WDR25: variants seen among roughly 807,000 people sequenced by gnomAD.
WDR25 encodes the protein WD repeat domain 25.
A neutral mutation model predicts 47.7 loss-of-function variants in WDR25; 35 were observed. The ratio of observed to expected loss-of-function variants is 0.73; its 90% confidence interval spans 0.56 to 0.97. WDR25 has a LOEUF of 0.97. WDR25 is among the 50% of genes least tolerant of loss of function. WDR25 has a pLI of 0.00. For synonymous variants in WDR25, 248 were observed against 278.9 expected, an observed-to-expected ratio of 0.89 and a Z score of 1.10; for missense variants, 634 against 704.7, an observed-to-expected ratio of 0.90 and a Z score of 1.14.
Position 100,529,912 on chromosome 14 carries a change from C to T in WDR25, c.1506C>T (p.Phe502=). The change falls in exon 7 of 7, where the codon TTC becomes TTT. Residue 502 remains phenylalanine, a synonymous_variant. Coordinates refer to ENST00000402312, the MANE Select transcript of WDR25 (RefSeq NM_001161476.3). This position sits in a 1 kb window ranked among gnomAD's most constrained non-coding sequence, Gnocchi z 5.1. ...ATGGCCGGGTCCTGATGTACAGCTT[C>T]CGCACAGCCAGCCGAGCATGCACAC... ...SADGRVLMYS[F]RTASRACTLQ... is the part of the protein sequence containing the mutation. 2 of 1,613,444 alleles carry T rather than the reference C, an allele frequency of 1.2e-6. No homozygotes were observed. Among genetic ancestry groups the T allele is most frequent in the Non-Finnish European group, 1.7e-6 (2 of 1,180,032 alleles).
chr14:100,459,922 A>G lies in WDR25; in HGVS notation c.823-8099A>G, dbSNP rs1263249662. Among the ~76,000 whole-genome samples, 723 of 109,252 alleles carry G rather than the reference A, an allele frequency of 6.6e-3. 61 individuals are homozygous for G. The highest frequency in any genetic ancestry group is 0.026 in the African/African-American group (663 of 25,292). 71.7% of individuals were successfully genotyped at this position (109,252 alleles called of 152,430 possible). A position where few individuals can be genotyped will look rare whatever the true frequency, so the allele number is the denominator to read the frequency against. The stretch of plus-strand genomic sequence containing the variant: ...TATATATATATATATATATATATAT[A>G]TATATATATATATATATACACATAC... On this transcript the variant is annotated intron_variant, in intron 2 of 6. Transcript: ENST00000402312.
chr14:100,393,422 G>A (rs1897185889), intron 2 of WDR25, among the ~76,000 whole-genome samples: 1 of 152,204 alleles, frequency 6.6e-6, no homozygotes, highest in Non-Finnish European at 1.5e-5. Context: ...TCTCATTCAA[G>A]TGTGTTCTGA....
chr14:100,431,166 C>T (rs1898321585), intron 2 of WDR25, among the ~76,000 whole-genome samples: 1 of 152,248 alleles, frequency 6.6e-6, no homozygotes, highest in East Asian at 1.9e-4. Flanking sequence ...AAAATATTGA[C>T]ATGAATTGAT....
chr14:100,497,809 G>C (rs2140342314), intron 4 of WDR25, among the ~76,000 whole-genome samples: 1 of 152,242 alleles, frequency 6.6e-6, no homozygotes, highest in South Asian at 2.1e-4. Context: ...AGCCCGACTG[G>C]ATTGTGTGTC....
rs906374019 is a variant in WDR25 at position 100,468,593 on chromosome 14, C to T, written c.970+425C>T. Among the ~76,000 whole-genome samples the T allele has an allele frequency of 1.3e-5, 2 of 152,202 alleles. No homozygotes were observed. The highest frequency in any genetic ancestry group is 2.9e-5 in the Non-Finnish European group (2 of 68,032). On this transcript the variant is annotated intron_variant, in intron 3 of 6. Transcript: ENST00000402312. This position sits in a 1 kb window ranked among gnomAD's most constrained non-coding sequence, Gnocchi z 4.5. ...CCAGCTCATAAGGAAAGTCTTCAAA[C>T]GAGTTCTGCTTTAATGCCCACACTG...
chr14:100,395,212 G>A (rs1897231228), intron 2 of WDR25, among the ~76,000 whole-genome samples: 1 of 152,220 alleles, frequency 6.6e-6, no homozygotes, highest in African/African-American at 2.4e-5. Flanking sequence ...AATCATCAGA[G>A]CTCAGGGAGT....
At chr14:100,471,729 A>G (rs1305700782) in intron 3 of WDR25, among the ~76,000 whole-genome samples, 2 of 152,216 alleles carry the variant, frequency 1.3e-5, no homozygotes, top group East Asian at 3.8e-4. Flanking sequence ...ACAGTTAAAA[A>G]TCTGTGGATT....
At chr14:100,454,426 T>C in intron 2 of WDR25, 1 of 1,287,230 alleles carries the variant, frequency 7.8e-7, no homozygotes, top group Non-Finnish European at 1.0e-6. Flanking sequence ...GCAAAACAGA[T>C]GCTTAAAATT....
chr14:100,425,806 A>C lies in WDR25; in HGVS notation c.823-42215A>C. Among the ~76,000 whole-genome samples, 1 of 152,256 alleles carries C rather than the reference A, an allele frequency of 6.6e-6. No individual in the cohort carries two copies. The highest frequency in any genetic ancestry group is 1.5e-5 in the Non-Finnish European group (1 of 68,050). On this transcript the variant is annotated intron_variant, in intron 2 of 6. Transcript: ENST00000402312. The surrounding 1 kb of genome is among the most constrained non-coding windows in gnomAD (Gnocchi z 4.8). Reference sequence around the variant, plus strand: ...CTCTGGCATGTGATGACCTAGGGACAGAATTAAAGCAATTTCAGCTTGGTT... The same window carrying C: ...CTCTGGCATGTGATGACCTAGGGACCGAATTAAAGCAATTTCAGCTTGGTT...
At chr14:100,510,737 A>AAATAATAATAATAATAATAATAATAAT (rs556858291) in intron 4 of WDR25, among the ~76,000 whole-genome samples, 36 of 146,956 alleles carry the variant, frequency 2.4e-4, no homozygotes, top group African/African-American at 8.1e-4. Flanking sequence ...CACCATCTCA[A>AAATAATAATAATAATAATAATAATAAT]AATAATAATA....
intron 3 of WDR25, among the ~76,000 whole-genome samples, chr14:100,469,882 CCTGA>C (rs1336518812): frequency 6.6e-6 from 1 of 152,218 alleles, no homozygotes; most frequent in Non-Finnish European, 1.5e-5. Context: ...AAGCCTGCTG[CCTGA>C]CTGTTACACT....
chr14:100,487,970 G>A (rs1279084424), intron 4 of WDR25, among the ~76,000 whole-genome samples: 1 of 152,142 alleles, frequency 6.6e-6, no homozygotes, highest in Non-Finnish European at 1.5e-5. Context: ...GTGAGTAGTT[G>A]GAACATACAA....
chr14:100,471,131 C>T (rs1279318358), intron 3 of WDR25, among the ~76,000 whole-genome samples: 1 of 152,188 alleles, frequency 6.6e-6, no homozygotes, highest in Non-Finnish European at 1.5e-5. Flanking sequence ...CACACACAGA[C>T]AGGGTCTCTG....
intron 2 of WDR25, among the ~76,000 whole-genome samples, chr14:100,391,695 A>C (rs1181088510): frequency 6.6e-6 from 1 of 151,490 alleles, no homozygotes; most frequent in African/African-American, 2.4e-5. Context: ...CCAACTATAC[A>C]TCTAATTTAA....
At position 100,529,993 on chromosome 14, in the gene WDR25, C is replaced by T. The variant is rs149360659; in HGVS notation, c.1587C>T (p.Ser529=). 3.2e-4 allele frequency: 511 copies of T among 1,613,380 alleles called. 1 individual carries two copies. In the African/African-American group the frequency reaches 6.2e-3, roughly 19 times the overall value. Residue 529 remains serine, a synonymous_variant, in exon 7 of 7, where the codon TCC becomes TCT. Transcript: ENST00000402312. This position sits in a 1 kb window ranked among gnomAD's most constrained non-coding sequence, Gnocchi z 5.1. ...CCACCTATCACCCCGTGCTGCCCTC[C>T]GTCCTCGCCACCTGCTCCTGGGGAG... ...VGTTYHPVLP[S]VLATCSWGGD...
At chr14:100,510,690 C>A (rs1037177084) in intron 4 of WDR25, among the ~76,000 whole-genome samples, 3 of 150,504 alleles carry the variant, frequency 2.0e-5, no homozygotes, top group African/African-American at 7.4e-5. Context: ...GAGCCGAGAT[C>A]GCGTCATTGC....
chr14:100,491,583 AG>A (rs1336042173), intron 4 of WDR25, among the ~76,000 whole-genome samples: 2 of 152,200 alleles, frequency 1.3e-5, no homozygotes, highest in Non-Finnish European at 2.9e-5. Context: ...TATACCGTCG[AG>A]GTTCGTGTAA....
rs183173481 is a variant in WDR25, at chr14:100,442,778, A to C, written c.823-25243A>C. On this transcript the variant is annotated intron_variant, in intron 2 of 6. Coordinates refer to ENST00000402312, the MANE Select transcript of WDR25 (RefSeq NM_001161476.3). Reference sequence around the variant, plus strand: ...ACTTAGCGATATTGCAGGAAAAAAAACATTCTATTTAATAACATTTCATCC... The same window carrying C: ...ACTTAGCGATATTGCAGGAAAAAAACCATTCTATTTAATAACATTTCATCC... Among the ~76,000 whole-genome samples, 280 of 152,330 alleles carry C rather than the reference A, an allele frequency of 1.8e-3. 2 individuals carry two copies. Among genetic ancestry groups the C allele is most frequent in the Admixed American group, 0.014 (208 of 15,306 alleles).
In WDR25 at chr14:100,499,480, A is replaced by G. The variant is rs1900842772; in HGVS notation, c.1101+15356A>G. ...GCATGGTTTTTAGGTTCCGGAAACC[A>G]CTGCCTGCTTCCTTCCAGAAGTGGA... On this transcript the variant is annotated intron_variant, in intron 4 of 6. Coordinates refer to ENST00000402312, the MANE Select transcript of WDR25 (RefSeq NM_001161476.3). This position sits in a 1 kb window ranked among gnomAD's most constrained non-coding sequence, Gnocchi z 4.4. 6.6e-6 allele frequency among the ~76,000 whole-genome samples: 1 copy of G among 152,224 alleles called. No homozygotes were observed. The highest frequency in any genetic ancestry group is 1.9e-4 in the East Asian group (1 of 5,200).
Sources: gnomAD v4.1 joint callset for allele counts (sites outside exome capture counted in the v4.1 genomes callset) on GRCh38, gnomAD v4.1.1 for gene constraint, Gnocchi (gnomAD v3.1) non-coding constraint, MANE v1.5 for transcripts, NCBI Gene and HGNC (gene_info 2026-07-23, HGNC 2026-07-21) for gene names.